FBN2: variants seen among roughly 807,000 people sequenced by gnomAD.
The protein encoded by FBN2 is fibrillin-2.
Under a neutral mutation model 355.6 loss-of-function variants are expected in FBN2, and 105 were observed. That is an observed-to-expected ratio of 0.30 (90% CI 0.25 to 0.35). The LOEUF is 0.35. Ranked by LOEUF, FBN2 falls within the 10% of genes least tolerant of loss-of-function variation. FBN2 has a pLI of 1.00. For synonymous variants in FBN2, 1,350 were observed against 1,301.2 expected (o/e 1.04, Z -0.81); for missense variants, 3,280 against 3,758.7 (o/e 0.87, Z 3.33).
intron 7 of FBN2, among the ~76,000 whole-genome samples, chr5:128,409,044 T>A (rs762681918): frequency 3.3e-5 from 5 of 152,144 alleles, no homozygotes; most frequent in African/African-American, 4.8e-5. Context: ...TACCCTTTTT[T>A]AAAAATGCAA....
chr5:128,285,013 T>G (rs1333414006), intron 55 of FBN2, among the ~76,000 whole-genome samples: 1 of 152,334 alleles, frequency 6.6e-6, no homozygotes, highest in African/African-American at 2.4e-5. Flanking sequence ...AAAAAAATGT[T>G]CTACTTATCA....
chr5:128,377,136 A>G (rs1197872072), intron 13 of FBN2, among the ~76,000 whole-genome samples: 1 of 152,228 alleles, frequency 6.6e-6, no homozygotes, highest in Non-Finnish European at 1.5e-5. Flanking sequence ...TACCAAAAAG[A>G]TAATATAATT....
intron 20 of FBN2, among the ~76,000 whole-genome samples, chr5:128,354,023 T>C (rs1581236663): frequency 6.6e-6 from 1 of 152,148 alleles, no homozygotes; most frequent in African/African-American, 2.4e-5. Context: ...CTGTTGTGTG[T>C]GTATGCCCAT....
chr5:128,349,829 C>CGAGT (rs1401793063), intron 22 of FBN2, 126 bp downstream of exon 22: 3 of 773,276 alleles, frequency 3.9e-6, no homozygotes, highest in African/African-American at 3.4e-5. Flanking sequence ...TTGATTACAT[C>CGAGT]GAGTATTTTT....
chr5:128,396,205 A>G (rs1220535740), intron 8 of FBN2, among the ~76,000 whole-genome samples: 3 of 152,178 alleles, frequency 2.0e-5, no homozygotes, highest in Non-Finnish European at 2.9e-5. Context: ...TTTGACTTAC[A>G]CAGCTGAGAT....
At chr5:128,530,808 G>A (rs1756681225) in intron 2 of FBN2, 115 bp from the exon 3 acceptor site, 5 of 710,756 alleles carry the variant, frequency 7.0e-6, no homozygotes, top group Middle Eastern at 3.0e-4. Flanking sequence ...TAAAATATAT[G>A]ATATAAATGT....
At chr5:128,397,721 G>A (rs1293911661) in intron 8 of FBN2, among the ~76,000 whole-genome samples, 1 of 152,102 alleles carries the variant, frequency 6.6e-6, no homozygotes, top group Non-Finnish European at 1.5e-5. Context: ...ATAAAACAGA[G>A]TCCCTAAATG....
At chr5:128,359,112 G>T (rs27754) in intron 19 of FBN2, among the ~76,000 whole-genome samples, 38,928 of 151,706 alleles carry the variant, frequency 0.26, 5,287 homozygotes, top group Non-Finnish European at 0.31. Flanking sequence ...CAGACTCTCA[G>T]AGCTCAAACA....
chr5:128,449,694 A>C (rs1197783131), intron 6 of FBN2, among the ~76,000 whole-genome samples: 1 of 151,780 alleles, frequency 6.6e-6, no homozygotes, highest in Admixed American at 6.6e-5. Context: ...AGATTTAAAC[A>C]CAATAAAATT....
Position 128,301,348 on chromosome 5 carries a change from C to T in FBN2, c.6046+34G>A, listed in dbSNP as rs1015535688. 5.6e-6 allele frequency: 9 copies of T among 1,595,010 alleles called. No individual in the cohort carries two copies. In the African/African-American group the frequency reaches 1.2e-4, roughly 21 times the overall value. ...CATATCATCATTTTACAAAACATAACACCACAAAGACTGCTTATTATTTAA... is the reference window on the plus strand; with the variant it reads ...CATATCATCATTTTACAAAACATAATACCACAAAGACTGCTTATTATTTAA... On this transcript the variant is annotated intron_variant, in intron 47 of 64. Coordinates refer to ENST00000262464, the MANE Select transcript of FBN2 (RefSeq NM_001999.4).
At chr5:128,472,903 A>G (rs1754905463) in intron 5 of FBN2, among the ~76,000 whole-genome samples, 1 of 152,340 alleles carries the variant, frequency 6.6e-6, no homozygotes, top group South Asian at 2.1e-4. Context: ...TTTTGAAATC[A>G]TATTTAAATA....
chr5:128,309,840 A>G, intron 40 of FBN2, 143 bp downstream of exon 40: 1 of 947,902 alleles, frequency 1.1e-6, no homozygotes, highest in Non-Finnish European at 1.7e-6. Context: ...CTTGATACTA[A>G]GCCAGCAGCT....
intron 11 of FBN2, among the ~76,000 whole-genome samples, chr5:128,385,841 T>C (rs1028155263): frequency 6.6e-6 from 1 of 152,192 alleles, no homozygotes; most frequent in African/African-American, 2.4e-5. Context: ...ATGTCTTCTT[T>C]AGAGAAGTGT....
chr5:128,327,448 T>C lies in FBN2; in HGVS notation c.4471+1248A>G, dbSNP rs888729256. 5.3e-5 allele frequency among the ~76,000 whole-genome samples: 8 copies of C among 152,284 alleles called. No homozygotes were observed. In the East Asian group the frequency reaches 1.5e-3, roughly 29 times the overall value. On this transcript the variant is annotated intron_variant, in intron 34 of 64. Coordinates refer to ENST00000262464, the MANE Select transcript of FBN2 (RefSeq NM_001999.4). ...TTGATGCTGATGAATTGTGTGTTTG[T>C]GTGTGTATATGTGTGTGTGCACGTG...
Position 128,326,112 on chromosome 5 carries a change from A to G in FBN2, c.4471+2584T>C, listed in dbSNP as rs977486731. 3.9e-5 allele frequency among the ~76,000 whole-genome samples: 6 copies of G among 152,196 alleles called. 1 individual carries two copies. The highest frequency in any genetic ancestry group is 3.9e-4 in the Admixed American group (6 of 15,298). On this transcript the variant is annotated intron_variant, in intron 34 of 64. Transcript: ENST00000262464. ...TTCACAGAATGCCTGCATAGTTGCT[A>G]CTGTTTTTCAGCTTGTATAGACACT...
intron 11 of FBN2, among the ~76,000 whole-genome samples, chr5:128,391,465 C>G (rs904245189): frequency 2.0e-5 from 3 of 152,086 alleles, no homozygotes; most frequent in Non-Finnish European, 4.4e-5. Flanking sequence ...TTACTTATGT[C>G]AACATGCAAT....
chr5:128,303,970 C>T (rs1204773982), intron 45 of FBN2, among the ~76,000 whole-genome samples: 1 of 152,066 alleles, frequency 6.6e-6, no homozygotes, highest in African/African-American at 2.4e-5. Context: ...AGAGAATTTT[C>T]CCTGCCATTA....
intron 48 of FBN2, among the ~76,000 whole-genome samples, chr5:128,292,331 C>T (rs943798869): frequency 1.5e-4 from 22 of 144,572 alleles, no homozygotes; most frequent in African/African-American, 5.8e-4. Flanking sequence ...AGCATGCCTG[C>T]CTGACTAGTG....
At chr5:128,304,871 T>C in intron 45 of FBN2, 86 bp downstream of exon 45, 1 of 1,504,386 alleles carries the variant, frequency 6.6e-7, no homozygotes, top group Non-Finnish European at 9.3e-7. Context: ...AGAGACATAG[T>C]AGTTACTCAT....
Sources: allele counts gnomAD v4.1 joint callset (sites outside exome capture counted in the v4.1 genomes callset), GRCh38; gene constraint gnomAD v4.1.1; transcripts MANE v1.5; gene names NCBI Gene and HGNC (gene_info 2026-07-23, HGNC 2026-07-21).